The following TENM2 variants were observed in gnomAD, a reference collection of about 807,000 sequenced individuals.
TENM2 encodes teneurin-2.
Under a neutral mutation model 245.2 loss-of-function variants are expected in TENM2, and 52 were observed. That is an observed-to-expected ratio of 0.21 (90% CI 0.17 to 0.27). The LOEUF is 0.27. TENM2 is among the 10% of genes least tolerant of loss of function. The pLI is 1.00. For missense variants in TENM2, 3,046 were observed against 3,666.8 expected, an observed-to-expected ratio of 0.83 and a Z score of 4.37; for synonymous variants, 1,363 against 1,438.9, an observed-to-expected ratio of 0.95 and a Z score of 1.19.
intron 2 of TENM2, among the ~76,000 whole-genome samples, chr5:167,630,948 C>A (rs1002305393): frequency 1.3e-5 from 2 of 152,144 alleles, no homozygotes; most frequent in African/African-American, 4.8e-5. Context: ...TGTACCCAAC[C>A]GGGTTTTGGA....
the TENM2 span, among the ~76,000 whole-genome samples, chr5:167,079,564 C>T: frequency 2.6e-5 from 4 of 151,074 alleles, no homozygotes; most frequent in East Asian, 1.9e-4. Context: ...CCACCCACCT[C>T]GGCTTCCCAA....
At chr5:167,107,340 G>A in the TENM2 span, among the ~76,000 whole-genome samples, 1 of 151,238 alleles carries the variant, frequency 6.6e-6, no homozygotes, top group Non-Finnish European at 1.5e-5. Flanking sequence ...AAGAAAGAAA[G>A]AAAACAAGTT....
At chr5:167,419,603 C>A (rs558924094) in intron 2 of TENM2, among the ~76,000 whole-genome samples, 1 of 152,274 alleles carries the variant, frequency 6.6e-6, no homozygotes, top group South Asian at 2.1e-4. Context: ...AAAGTGATGG[C>A]CTTTTCAAAG....
At chr5:167,639,775 T>G (rs1779437295) in intron 2 of TENM2, among the ~76,000 whole-genome samples, 2 of 152,184 alleles carry the variant, frequency 1.3e-5, no homozygotes, top group Admixed American at 1.3e-4. Context: ...GTTGGTTTAT[T>G]CACTCCTCTT....
chr5:168,189,754 G>GT lies in TENM2; in HGVS notation c.2570-575dup, dbSNP rs1007846724. ...GATTTAAGGGATTCCATGCATTTTA[G>GT]TTTTTTTTAATTTGATAAAAAAATT... On this transcript the variant is annotated intron_variant, in intron 13 of 28. Transcript: ENST00000518659. 5.3e-5 allele frequency among the ~76,000 whole-genome samples: 8 copies of GT among 152,060 alleles called. No individual in the cohort carries two copies. In the East Asian group the frequency reaches 5.8e-4, roughly 11 times the overall value.
At chr5:167,372,278 A>G (rs1561902857) in intron 1 of TENM2, among the ~76,000 whole-genome samples, 1 of 152,082 alleles carries the variant, frequency 6.6e-6, no homozygotes, top group African/African-American at 2.4e-5. Context: ...CTTTTCTAAC[A>G]TTTGTGGTTA....
intron 5 of TENM2, among the ~76,000 whole-genome samples, chr5:168,020,956 A>G (rs1786089706): frequency 6.6e-6 from 1 of 152,134 alleles, no homozygotes; most frequent in African/African-American, 2.4e-5. Flanking sequence ...AGGAACGAGG[A>G]AAAAAAAGAA....
intron 2 of TENM2, among the ~76,000 whole-genome samples, chr5:167,742,240 C>T (rs1452210471): frequency 6.6e-6 from 1 of 152,098 alleles, no homozygotes; most frequent in Non-Finnish European, 1.5e-5. Context: ...ATATTTGGAG[C>T]TCACTATCCC....
chr5:168,138,968 T>C (rs1027070425), intron 12 of TENM2, among the ~76,000 whole-genome samples: 3 of 152,222 alleles, frequency 2.0e-5, no homozygotes, highest in Non-Finnish European at 4.4e-5. Context: ...AGCTGCCTTT[T>C]TGCCCACTTG....
At chr5:167,141,057 A>C in the TENM2 span, among the ~76,000 whole-genome samples, 2 of 152,218 alleles carry the variant, frequency 1.3e-5, no homozygotes, top group East Asian at 1.9e-4. Flanking sequence ...GTTTCTATGG[A>C]GTGCAGTTTG....
intron 2 of TENM2, among the ~76,000 whole-genome samples, chr5:167,564,961 A>G (rs1228072280): frequency 6.6e-6 from 1 of 152,248 alleles, no homozygotes; most frequent in African/African-American, 2.4e-5. Context: ...GACTGTGAAT[A>G]CACGAAGGTA....
intron 2 of TENM2, among the ~76,000 whole-genome samples, chr5:167,780,871 T>G (rs1297685526): frequency 1.3e-5 from 2 of 152,232 alleles, no homozygotes; most frequent in African/African-American, 4.8e-5. Context: ...GAGACCCAAC[T>G]ACACTTACAT....
At position 168,200,216 on chromosome 5, in the gene TENM2, G is replaced by C; in HGVS notation, c.3430+85G>C. ...CATATTTATTGAGTTCCGAGGATATGCCAAGCACCATTTCAGTAGATAAGG... is the reference window on the plus strand; with the variant it reads ...CATATTTATTGAGTTCCGAGGATATCCCAAGCACCATTTCAGTAGATAAGG... On this transcript the variant is annotated intron_variant, in intron 17 of 28. Transcript: ENST00000518659. The C allele has an allele frequency of 3.2e-6, 4 of 1,259,624 alleles. No homozygotes were observed. The South Asian group carries it at 5.9e-5, about 19-fold the overall frequency. The allele number at this position is 1,259,624 out of a possible 1,614,324, so 78.0% of individuals were successfully genotyped here. A position where few individuals can be genotyped will look rare whatever the true frequency, so the allele number is the denominator to read the frequency against.
chr5:167,875,468 T>C (rs1583254539), intron 2 of TENM2, among the ~76,000 whole-genome samples: 1 of 152,266 alleles, frequency 6.6e-6, no homozygotes, highest in South Asian at 2.1e-4. Context: ...GACAGGTAGG[T>C]CATCATAAGG....
At chr5:167,419,974 A>G (rs1028539295) in intron 2 of TENM2, among the ~76,000 whole-genome samples, 1 of 152,202 alleles carries the variant, frequency 6.6e-6, no homozygotes, top group Non-Finnish European at 1.5e-5. Context: ...TTTATTTGGC[A>G]TAAAGGGAGT....
intron 2 of TENM2, among the ~76,000 whole-genome samples, chr5:167,689,204 C>T (rs1411978002): frequency 6.6e-6 from 1 of 152,074 alleles, no homozygotes; most frequent in Non-Finnish European, 1.5e-5. Context: ...GAGTCTGGCA[C>T]CAGTGAAGGG....
chr5:167,912,453 C>T (rs1392756398), intron 3 of TENM2, among the ~76,000 whole-genome samples: 1 of 152,192 alleles, frequency 6.6e-6, no homozygotes, highest in Non-Finnish European at 1.5e-5. Context: ...CAGGCTTTCC[C>T]AGTTCATTGT....
chr5:167,297,103 G>A (rs1754987800), intron 1 of TENM2, among the ~76,000 whole-genome samples: 1 of 152,118 alleles, frequency 6.6e-6, no homozygotes, highest in African/African-American at 2.4e-5. Flanking sequence ...AGTGCAAAAG[G>A]ACATACTCTA....
chr5:167,339,792 G>C (rs1245620478), intron 1 of TENM2, among the ~76,000 whole-genome samples: 1 of 152,046 alleles, frequency 6.6e-6, no homozygotes, highest in Non-Finnish European at 1.5e-5. Context: ...GATGGAGATA[G>C]TTTTGTTTCT....
Sources: allele counts gnomAD v4.1 joint callset (sites outside exome capture counted in the v4.1 genomes callset), GRCh38; gene constraint gnomAD v4.1.1; transcripts MANE v1.5; gene names NCBI Gene and HGNC (gene_info 2026-07-23, HGNC 2026-07-21).